The following MEI1 variants were observed in gnomAD, a reference collection of about 807,000 sequenced individuals.
The protein encoded by MEI1 is meiosis inhibitor protein 1.
Under a neutral mutation model 146.2 loss-of-function variants are expected in MEI1, and 103 were observed. The observed-to-expected ratio is 0.70, with a 90% CI of 0.60 to 0.83. The LOEUF is 0.83. Ranked by LOEUF, MEI1 falls within the 40% of genes least tolerant of loss-of-function variation. The pLI, the probability that MEI1 is intolerant of heterozygous loss-of-function variation, is 0.00. For missense variants in MEI1, 1,529 were observed against 1,533.0 expected, an observed-to-expected ratio of 1.00 and a Z score of 0.04; for synonymous variants, 652 against 628.2, an observed-to-expected ratio of 1.04 and a Z score of -0.57.
chr22:41,775,440 G>A (rs1435624600), intron 20 of MEI1, among the ~76,000 whole-genome samples: 4 of 152,148 alleles, frequency 2.6e-5, no homozygotes, highest in Admixed American at 2.6e-4. Context: ...GCAGGAGGGA[G>A]GCATCCTGGA....
chr22:41,758,499 C>T lies in MEI1; in HGVS notation c.2086C>T (p.Leu696Phe), dbSNP rs931546421. 2 of 1,613,560 alleles carry T rather than the reference C, an allele frequency of 1.2e-6. No homozygotes were observed. The highest frequency in any genetic ancestry group is 1.7e-5 in the Admixed American group (1 of 59,980). The change falls in exon 18 of 31, where the codon CTC becomes TTC. Residue 696 changes from leucine (L) to phenylalanine (F), a missense_variant. Physicochemically the swap from Leu to Phe is conservative, Grantham distance 22. Transcript: ENST00000401548. Reference sequence around the variant, plus strand: ...TCGCCAGAGACAGTACTGCATCCTGCTCCTCTTCTACTTGGCCTACATCCA... The same window carrying T: ...TCGCCAGAGACAGTACTGCATCCTGTTCCTCTTCTACTTGGCCTACATCCA... ...AARQRQYCIL[L>F]LFYLAYIHED...
intron 7 of MEI1, among the ~76,000 whole-genome samples, chr22:41,726,430 T>C (rs796269083): frequency 2.6e-5 from 4 of 152,178 alleles, no homozygotes; most frequent in Non-Finnish European, 1.5e-5. Flanking sequence ...TTCAAACATA[T>C]GTACTTAAAC....
chr22:41,778,844 G>T, intron 22 of MEI1, 32 bp downstream of exon 22: 2 of 1,513,522 alleles, frequency 1.3e-6, no homozygotes, highest in Admixed American at 1.9e-5. Flanking sequence ...GCGCCCAAGG[G>T]CCCAGGGCTG....
At chr22:41,719,430 G>T (rs542871391) in intron 6 of MEI1, among the ~76,000 whole-genome samples, 1 of 152,176 alleles carries the variant, frequency 6.6e-6, no homozygotes, top group African/African-American at 2.4e-5. Context: ...CAGGTGATCT[G>T]CCCACCTTGC....
chr22:41,721,237 C>CTTTTTTTTTTTT (rs984702207), intron 6 of MEI1, among the ~76,000 whole-genome samples: 7 of 70,484 alleles, frequency 9.9e-5, no homozygotes, highest in African/African-American at 4.1e-4. Flanking sequence ...CACGCCCGTT[C>CTTTTTTTTTTTT]TTTTTTTTTT....
At chr22:41,736,001 G>T (rs2072330226) in intron 11 of MEI1, among the ~76,000 whole-genome samples, 1 of 152,148 alleles carries the variant, frequency 6.6e-6, no homozygotes, top group South Asian at 2.1e-4. Flanking sequence ...ATGGTTCTAG[G>T]GGGCCAGAAG....
chr22:41,789,427 G>T (rs898881901), intron 26 of MEI1, among the ~76,000 whole-genome samples: 5 of 152,244 alleles, frequency 3.3e-5, no homozygotes, highest in African/African-American at 9.6e-5. Context: ...GCCTCACAAA[G>T]TGCTAGGATT....
In MEI1 at chr22:41,709,344, C is replaced by T. The variant is rs369597313; in HGVS notation, c.349+3790C>T. The T allele has an allele frequency of 1.6e-3, 1,194 of 755,556 alleles. 29 individuals carry two copies. The highest frequency in any genetic ancestry group is 0.015 in the South Asian group (1,127 of 74,728). 46.8% of individuals were successfully genotyped at this position (755,556 alleles called of 1,614,324 possible). A position where few individuals can be genotyped will look rare whatever the true frequency, so the allele number is the denominator to read the frequency against. On this transcript the variant is annotated intron_variant, in intron 3 of 30. Transcript: ENST00000401548. The stretch of plus-strand genomic sequence containing the variant: ...CCCTTTTTCCCTTTGGGTACCTTCT[C>T]TTCTTTGCAGGGGCCTTTTTAGGCT...
chr22:41,711,372 C>T (rs747495875), intron 3 of MEI1, among the ~76,000 whole-genome samples: 1 of 152,056 alleles, frequency 6.6e-6, no homozygotes, highest in Non-Finnish European at 1.5e-5. Flanking sequence ...ACGATTTCAC[C>T]GTGTTAGCCA....
chr22:41,722,380 C>T (rs1334698694), intron 6 of MEI1, among the ~76,000 whole-genome samples: 1 of 152,026 alleles, frequency 6.6e-6, no homozygotes, highest in Non-Finnish European at 1.5e-5. Flanking sequence ...TCACTGCAGC[C>T]TCGAACTCCT....
intron 26 of MEI1, among the ~76,000 whole-genome samples, chr22:41,790,280 C>T (rs538365186): frequency 2.0e-4 from 31 of 152,160 alleles, no homozygotes; most frequent in Middle Eastern, 6.8e-3. Context: ...GACAGGGTTT[C>T]GCCATGTTGG....
At chr22:41,766,392 G>C (rs1374078302) in intron 19 of MEI1, among the ~76,000 whole-genome samples, 2 of 145,412 alleles carry the variant, frequency 1.4e-5, no homozygotes, top group Admixed American at 1.4e-4. Context: ...GGCTGGTCTC[G>C]AACTCCTGAC....
intron 14 of MEI1, among the ~76,000 whole-genome samples, chr22:41,747,670 C>T (rs977565032): frequency 2.6e-5 from 4 of 151,838 alleles, no homozygotes; most frequent in African/African-American, 9.7e-5. Flanking sequence ...CACCACTGAT[C>T]GCCAGCCTGG....
chr22:41,699,533 G>C lies in MEI1; in HGVS notation c.-6G>C. On this transcript the variant is annotated 5_prime_UTR_variant, in exon 1 of 31. Coordinates refer to ENST00000401548, the MANE Select transcript of MEI1 (RefSeq NM_152513.4). ...AGTGCCGCCTCAGCTGAGGGCAAGC[G>C]AGGAGATGGCTGTGAGGCAGGCGGC... is the stretch of plus-strand genomic sequence containing the variant. 1 of 1,606,504 alleles carries C rather than the reference G, an allele frequency of 6.2e-7. No individual in the cohort carries two copies. Among genetic ancestry groups the C allele is most frequent in the Non-Finnish European group, 8.5e-7 (1 of 1,177,742 alleles).
intron 30 of MEI1, among the ~76,000 whole-genome samples, chr22:41,798,533 G>A (rs866318711): frequency 4.0e-5 from 6 of 150,144 alleles, no homozygotes; most frequent in Non-Finnish European, 3.0e-5. Flanking sequence ...AGCCAAGATC[G>A]CGCCACTGTA....
At chr22:41,738,607 C>T (rs2147690158) in intron 11 of MEI1, among the ~76,000 whole-genome samples, 1 of 148,864 alleles carries the variant, frequency 6.7e-6, no homozygotes, top group Non-Finnish European at 1.5e-5. Context: ...CAAAACAAAA[C>T]ACCAAAATAC....
chr22:41,730,604 C>T lies in MEI1; in HGVS notation c.1063C>T (p.Pro355Ser). ...CTGCTTGACACTCCTGGTAGAAGAG[C>T]CACTCTTTTTTTCCAAGTGCCACAC... The part of the protein sequence containing the change: ...CNCLTLLVEE[P>S]LFFSKCHTVY... Residue 355 changes from proline (P) to serine (S), a missense_variant, in exon 9 of 31, where the codon CCA becomes TCA. Coordinates refer to ENST00000401548, the MANE Select transcript of MEI1 (RefSeq NM_152513.4). The T allele has an allele frequency of 6.2e-7, 1 of 1,613,600 alleles. No homozygotes were observed. The highest frequency in any genetic ancestry group is 8.5e-7 in the Non-Finnish European group (1 of 1,179,650).
intron 6 of MEI1, among the ~76,000 whole-genome samples, chr22:41,721,237 CTTTTTTTTTTTT>C (rs984702207): frequency 2.8e-5 from 2 of 70,486 alleles, no homozygotes. Context: ...CACGCCCGTT[CTTTTTTTTTTTT>C]TTTTTTTTTT....
intron 14 of MEI1, 47 bp downstream of exon 14, chr22:41,746,073 G>T (rs1249705035): frequency 6.6e-7 from 1 of 1,518,144 alleles, no homozygotes; most frequent in South Asian, 1.2e-5. Flanking sequence ...GGGAAGAGAA[G>T]AATGTGCAGG....
Sources: allele counts gnomAD v4.1 joint callset (sites outside exome capture counted in the v4.1 genomes callset), GRCh38; gene constraint gnomAD v4.1.1; transcripts MANE v1.5; gene names NCBI Gene and HGNC (gene_info 2026-07-23, HGNC 2026-07-21).